Variants in LAMA3 observed in about 807,000 individuals in gnomAD.
The protein encoded by LAMA3 is laminin subunit alpha-3.
In LAMA3, 281 loss-of-function variants were observed where a neutral mutation model predicts 402.0. The ratio of observed to expected loss-of-function variants is 0.70; its 90% CI spans 0.63 to 0.77. The LOEUF (loss-of-function observed/expected upper bound fraction) is 0.77. LAMA3 is among the 30% of genes least tolerant of loss of function. LAMA3 has a pLI of 0.00. For missense variants in LAMA3, 3,840 were observed against 4,215.5 expected (o/e 0.91, Z 2.47); for synonymous variants, 1,431 against 1,558.4 (o/e 0.92, Z 1.93).
intron 12 of LAMA3, among the ~76,000 whole-genome samples, chr18:23,790,772 C>T (rs1300001794): frequency 6.6e-6 from 1 of 152,196 alleles, no homozygotes; most frequent in South Asian, 2.1e-4. Context: ...ATAATTCCTT[C>T]CCAACCCTGT....
intron 8 of LAMA3, among the ~76,000 whole-genome samples, chr18:23,771,732 T>C (rs530824905): frequency 6.6e-6 from 1 of 152,294 alleles, no homozygotes; most frequent in East Asian, 1.9e-4. Flanking sequence ...GATGGATAAT[T>C]ATGTGATAAA....
At chr18:23,709,185 C>T (rs775543979) in intron 1 of LAMA3, among the ~76,000 whole-genome samples, 1 of 152,142 alleles carries the variant, frequency 6.6e-6, no homozygotes, top group Non-Finnish European at 1.5e-5. Context: ...ATCCTCCCAA[C>T]TCAGCCTCCC....
intron 70 of LAMA3, among the ~76,000 whole-genome samples, chr18:23,949,077 A>G (rs1026780357): frequency 3.3e-5 from 5 of 152,054 alleles, no homozygotes; most frequent in African/African-American, 1.2e-4. Flanking sequence ...AGAGCACAGA[A>G]CCCCACAAGC....
At chr18:23,745,291 G>A (rs1171465584) in intron 2 of LAMA3, among the ~76,000 whole-genome samples, 1 of 152,120 alleles carries the variant, frequency 6.6e-6, no homozygotes, top group Non-Finnish European at 1.5e-5. Context: ...GAGCTGTCCT[G>A]TAGGAGAGGA....
At chr18:23,803,623 C>G (rs1447988981) in intron 12 of LAMA3, among the ~76,000 whole-genome samples, 1 of 152,190 alleles carries the variant, frequency 6.6e-6, no homozygotes, top group Non-Finnish European at 1.5e-5. Flanking sequence ...TGGCCACAGC[C>G]CATTAATCAA....
chr18:23,776,768 G>A (rs1179820947), intron 10 of LAMA3, among the ~76,000 whole-genome samples: 1 of 151,726 alleles, frequency 6.6e-6, no homozygotes, highest in Non-Finnish European at 1.5e-5. Context: ...GTCCTACTTT[G>A]GTTGATGAGA....
Position 23,861,768 on chromosome 18 carries a change from C to T in LAMA3, c.4545C>T (p.Ser1515=), listed in dbSNP as rs183722225. Residue 1515 remains serine, a synonymous_variant, in exon 35 of 75, where the codon AGC becomes AGT. Transcript: ENST00000313654. ...AGGAGCTGCCCGCAACCATCCACAG[C>T]GCGTCCTGGGTCGCACCCACCTCCT... ...DLQELPATIH[S]ASWVAPTSYL... 5.9e-4 allele frequency: 953 copies of T among 1,613,712 alleles called. 9 individuals are homozygous for T. In the African/African-American group the frequency reaches 0.011, roughly 19 times the overall value.
rs201164139 is a variant in LAMA3 at position 23,833,950 on chromosome 18, T to C, written c.2946T>C (p.Val982=). The change falls in exon 24 of 75, where the codon GTT becomes GTC. Residue 982 remains valine, a synonymous_variant. Transcript: ENST00000313654. ...VDVNVKSSGS[V]LAGQVNIYSC... ...TGAATGTGAAGAGCTCCGGGTCTGT[T>C]CTGGCAGGCCAGGTGAACATTTACA... 6.2e-7 allele frequency: 1 copy of C among 1,614,244 alleles called. No individual in the cohort carries two copies. Among genetic ancestry groups the C allele is most frequent in the East Asian group, 2.2e-5 (1 of 44,888 alleles).
At chr18:23,729,889 G>T (rs867600220) in intron 2 of LAMA3, among the ~76,000 whole-genome samples, 56 of 152,284 alleles carry the variant, frequency 3.7e-4, no homozygotes, top group African/African-American at 1.2e-3. Context: ...TGACGCTCCC[G>T]TCCTGTCTGT....
chr18:23,873,179 A>G lies in LAMA3; in HGVS notation c.4998+1518A>G, dbSNP rs561891748. 44 of 1,614,126 alleles carry G rather than the reference A, an allele frequency of 2.7e-5. No homozygotes were observed. The highest frequency in any genetic ancestry group is 3.7e-5 in the Non-Finnish European group (44 of 1,180,040). ...TTCTTCAGCCTCCCGGTCAAAGTCA[A>G]CTGCAAGCGAGTTATGTGGAGTTTA... On this transcript the variant is annotated intron_variant, in intron 38 of 74. Transcript: ENST00000313654.
chr18:23,743,660 T>G (rs1000203912), intron 2 of LAMA3, among the ~76,000 whole-genome samples: 1 of 152,148 alleles, frequency 6.6e-6, no homozygotes, highest in Non-Finnish European at 1.5e-5. Flanking sequence ...TGCCTCACAC[T>G]CCCCCTTTTA....
Position 23,845,131 on chromosome 18 carries a change from A to AC in LAMA3, c.3719+7_3719+8insC. ...AAAACAGCTTTTACCTTGAGTGAGTATCACTTTGTGGGAAGGCTCTGGAAT... is the reference window on the plus strand; with the variant it reads ...AAAACAGCTTTTACCTTGAGTGAGTACTCACTTTGTGGGAAGGCTCTGGAAT... On this transcript the variant is annotated splice_region_variant and intron_variant, in intron 30 of 74. Transcript: ENST00000313654. 6.7e-7 allele frequency: 1 copy of AC among 1,502,004 alleles called. No individual in the cohort carries two copies. Among genetic ancestry groups the AC allele is most frequent in the Non-Finnish European group, 9.3e-7 (1 of 1,077,924 alleles). The allele number at this position is 1,502,004 out of a possible 1,614,324, so 93.0% of individuals were successfully genotyped here. A position where few individuals can be genotyped will look rare whatever the true frequency, so the allele number is the denominator to read the frequency against.
Position 23,846,426 on chromosome 18 carries a change from G to T in LAMA3, c.3849G>T (p.Gly1283=). 6.2e-7 allele frequency: 1 copy of T among 1,613,960 alleles called. No homozygotes were observed. The highest frequency in any genetic ancestry group is 8.5e-7 in the Non-Finnish European group (1 of 1,180,036). The change falls in exon 31 of 75, where the codon GGG becomes GGT. Residue 1283 remains glycine, a synonymous_variant. Transcript: ENST00000313654. The part of the protein sequence containing the change: ...ATGPHCSPEG[G]QCPCQPNVIG... ...GCCCTCACTGCAGCCCTGAGGGTGG[G>T]CAGTGCCCATGCCAGCCCAACGTCA... is the stretch of plus-strand genomic sequence containing the variant.
chr18:23,742,825 C>G (rs1389437688), intron 2 of LAMA3, among the ~76,000 whole-genome samples: 2 of 152,148 alleles, frequency 1.3e-5, no homozygotes, highest in African/African-American at 4.8e-5. Flanking sequence ...TTATGAAATG[C>G]TACCTTGTGG....
intron 32 of LAMA3, among the ~76,000 whole-genome samples, chr18:23,854,766 G>C (rs916130433): frequency 6.6e-6 from 1 of 151,770 alleles, no homozygotes; most frequent in Admixed American, 6.6e-5. Flanking sequence ...GGCGGATCAC[G>C]AGGTCTGGAG....
At chr18:23,940,680 A>G (rs1023993923) in intron 68 of LAMA3, among the ~76,000 whole-genome samples, 2 of 152,168 alleles carry the variant, frequency 1.3e-5, no homozygotes, top group African/African-American at 4.8e-5. Context: ...GAGAGAGGTA[A>G]AGGTCAGAGA....
At chr18:23,861,555 G>T in intron 34 of LAMA3, 91 bp from the exon 35 acceptor site, 1 of 1,452,694 alleles carries the variant, frequency 6.9e-7, no homozygotes, top group Non-Finnish European at 9.6e-7. Flanking sequence ...GAGGCTGCCC[G>T]TGGAGCTTTC....
intron 27 of LAMA3, among the ~76,000 whole-genome samples, chr18:23,841,518 A>T (rs1307377741): frequency 1.3e-5 from 2 of 152,188 alleles, no homozygotes; most frequent in Non-Finnish European, 2.9e-5. Flanking sequence ...CCCACTCATG[A>T]CAAAGGAGGG....
intron 64 of LAMA3, 136 bp downstream of exon 64, chr18:23,928,901 T>A: frequency 1.2e-6 from 1 of 859,218 alleles, no homozygotes; most frequent in South Asian, 1.4e-5. Context: ...TATTGTATAG[T>A]TCAACCATAA....
Sources: gnomAD v4.1 joint callset for allele counts (sites outside exome capture counted in the v4.1 genomes callset) on GRCh38, gnomAD v4.1.1 for gene constraint, MANE v1.5 for transcripts, NCBI Gene and HGNC (gene_info 2026-07-23, HGNC 2026-07-21) for gene names.